Variants in CFAP54 observed in about 807,000 individuals in gnomAD.
CFAP54 encodes the protein cilia- and flagella-associated protein 54.
CFAP54 carries 290 observed loss-of-function variants against 370.4 expected under a neutral mutation model. The observed-to-expected ratio is 0.78, with a 90% CI of 0.71 to 0.86. The LOEUF (loss-of-function observed/expected upper bound fraction) is 0.86, where lower values mean the gene tolerates loss of function less well. Among genes scored for constraint, CFAP54 ranks in the 40% least tolerant of loss-of-function variants. The pLI is 0.00. For synonymous variants in CFAP54, 1,206 were observed against 1,236.5 expected, an observed-to-expected ratio of 0.98 and a Z score of 0.52; for missense variants, 3,399 against 3,528.7, an observed-to-expected ratio of 0.96 and a Z score of 0.93.
chr12:96,526,885 GTTTTTTTTTTTTTT>G (rs34080505), intron 8 of CFAP54, among the ~76,000 whole-genome samples: 9 of 97,688 alleles, frequency 9.2e-5, no homozygotes, highest in Non-Finnish European at 1.6e-4. Context: ...CTTATAACAG[GTTTTTTTTTTTTTT>G]TTTTTTTTTG....
At chr12:96,725,240 G>C (rs1957817373) in intron 50 of CFAP54, among the ~76,000 whole-genome samples, 1 of 150,890 alleles carries the variant, frequency 6.6e-6, no homozygotes, top group Admixed American at 6.6e-5. Context: ...GATGGGGATG[G>C]CATTGAATCT....
chr12:96,747,366 T>C (rs1958128523), intron 55 of CFAP54, among the ~76,000 whole-genome samples: 1 of 152,236 alleles, frequency 6.6e-6, no homozygotes, highest in South Asian at 2.1e-4. Context: ...GTTTATTGTC[T>C]TCTTTTTGCT....
intron 59 of CFAP54, 69 bp from the exon 60 acceptor site, chr12:96,765,008 T>C: frequency 8.4e-7 from 1 of 1,189,330 alleles, no homozygotes; most frequent in Middle Eastern, 3.1e-4. Context: ...TTTCACATTA[T>C]TTACCTAATA....
rs1161750365 is a variant in CFAP54 at position 96,645,119 on chromosome 12, T to G, written c.4547+711T>G. ...TAGAGGCGTACTTTAAGATCATATTTACTCACCCAATGTCAATTTTCTATC... is the reference window on the plus strand; with the variant it reads ...TAGAGGCGTACTTTAAGATCATATTGACTCACCCAATGTCAATTTTCTATC... On this transcript the variant is annotated intron_variant, in intron 33 of 67. Coordinates refer to ENST00000524981, the MANE Select transcript of CFAP54 (RefSeq NM_001306084.2). 1.1e-5 allele frequency: 5 copies of G among 456,420 alleles called. No homozygotes were observed. In the East Asian group the frequency reaches 3.5e-4, roughly 32 times the overall value. 28.3% of individuals were successfully genotyped at this position (456,420 alleles called of 1,614,324 possible). A position where few individuals can be genotyped will look rare whatever the true frequency, so the allele number is the denominator to read the frequency against.
chr12:96,622,986 TC>T (rs1185441566), intron 27 of CFAP54, among the ~76,000 whole-genome samples: 2 of 152,194 alleles, frequency 1.3e-5, no homozygotes, highest in African/African-American at 4.8e-5. Flanking sequence ...ACTCTCAGAG[TC>T]TATCAGCCCC....
At chr12:96,802,638 T>TTTATTA (rs568512611) in intron 63 of CFAP54, among the ~76,000 whole-genome samples, 1 of 151,772 alleles carries the variant, frequency 6.6e-6, no homozygotes, top group African/African-American at 2.4e-5. Context: ...TACTAACTTC[T>TTTATTA]TTATTATTAT....
At chr12:96,564,342 A>G (rs1955843723) in intron 17 of CFAP54, 126 bp from the exon 18 acceptor site, 1 of 494,858 alleles carries the variant, frequency 2.0e-6, no homozygotes, top group Non-Finnish European at 3.5e-6. Flanking sequence ...ATTTTTATCT[A>G]TTAATGAAAA....
At chr12:96,505,229 A>C (rs1227726817) in intron 3 of CFAP54, among the ~76,000 whole-genome samples, 2 of 151,544 alleles carry the variant, frequency 1.3e-5, no homozygotes, top group Non-Finnish European at 2.9e-5. Context: ...ATGCCCGGCT[A>C]ATTTTTGTAT....
At chr12:96,696,136 AAGAT>A (rs1271745816) in intron 45 of CFAP54, among the ~76,000 whole-genome samples, 2 of 152,178 alleles carry the variant, frequency 1.3e-5, no homozygotes, top group African/African-American at 4.8e-5. Flanking sequence ...GTCAGTGTGA[AAGAT>A]AGGTGAGAAA....
chr12:96,732,229 G>A (rs1212677842), intron 50 of CFAP54, among the ~76,000 whole-genome samples: 1 of 152,072 alleles, frequency 6.6e-6, no homozygotes, highest in Non-Finnish European at 1.5e-5. Context: ...GGGTTCAAAT[G>A]ATTCTCCTGT....
At chr12:96,859,461 A>C (rs1959809628) in intron 66 of CFAP54, among the ~76,000 whole-genome samples, 1 of 151,880 alleles carries the variant, frequency 6.6e-6, no homozygotes, top group Admixed American at 6.6e-5. Context: ...GCTGGAGAGC[A>C]ATGGCATGAT....
rs554534231 is a variant in CFAP54, at chr12:96,618,565, CAGTT to C, written c.3640-3022_3640-3019del. On this transcript the variant is annotated intron_variant, in intron 26 of 67. Transcript: ENST00000524981. Reference sequence around the variant, plus strand: ...GACAGGAAGCAAGGTCATTTGCTGACAGTTAGGAGGAGATGGGTAAGGGTGGGTT... The same window carrying C: ...GACAGGAAGCAAGGTCATTTGCTGACAGGAGGAGATGGGTAAGGGTGGGTT... 4.9e-3 allele frequency among the ~76,000 whole-genome samples: 740 copies of C among 152,078 alleles called. 6 individuals are homozygous for C. Among genetic ancestry groups the C allele is most frequent in the African/African-American group, 0.017 (696 of 41,484 alleles).
intron 50 of CFAP54, among the ~76,000 whole-genome samples, chr12:96,726,799 T>C (rs1957845648): frequency 1.3e-5 from 2 of 152,096 alleles, no homozygotes; most frequent in African/African-American, 2.4e-5. Context: ...TCCTGCTTTC[T>C]CTTGTGGGCA....
At chr12:96,679,217 C>T (rs1423586395) in intron 39 of CFAP54, among the ~76,000 whole-genome samples, 3 of 152,094 alleles carry the variant, frequency 2.0e-5, no homozygotes, top group African/African-American at 7.2e-5. Context: ...TTTATTTCTT[C>T]CTTTGTTTCT....
intron 4 of CFAP54, among the ~76,000 whole-genome samples, chr12:96,512,301 TTATA>T (rs1165045194): frequency 0.078 from 2,256 of 29,016 alleles, 43 homozygotes; most frequent in Middle Eastern, 0.11. Flanking sequence ...GGAACCAATT[TTATA>T]TATATATATA....
intron 67 of CFAP54, among the ~76,000 whole-genome samples, chr12:96,865,999 G>A (rs549732006): frequency 3.3e-4 from 50 of 152,004 alleles, no homozygotes; most frequent in African/African-American, 1.1e-3. Flanking sequence ...CCTATCCATT[G>A]TAAGTTCCTC....
At chr12:96,716,852 G>T (rs1198935587) in intron 48 of CFAP54, among the ~76,000 whole-genome samples, 2 of 152,194 alleles carry the variant, frequency 1.3e-5, no homozygotes, top group Non-Finnish European at 2.9e-5. Flanking sequence ...GCTCAGAAAG[G>T]AGAGGAGTAT....
At chr12:96,688,447 T>C (rs1212566388) in intron 42 of CFAP54, among the ~76,000 whole-genome samples, 4 of 152,194 alleles carry the variant, frequency 2.6e-5, no homozygotes, top group Non-Finnish European at 5.9e-5. Flanking sequence ...ATAGGATAAG[T>C]GCTCAAAAGT....
chr12:96,814,512 C>G (rs903917496), intron 64 of CFAP54, among the ~76,000 whole-genome samples: 8 of 152,150 alleles, frequency 5.3e-5, no homozygotes, highest in Admixed American at 4.6e-4. Flanking sequence ...CATCAGACAC[C>G]TTTTCCAGCA....
Sources: allele counts gnomAD v4.1 joint callset (sites outside exome capture counted in the v4.1 genomes callset), GRCh38; gene constraint gnomAD v4.1.1; transcripts MANE v1.5; gene names NCBI Gene and HGNC (gene_info 2026-07-23, HGNC 2026-07-21).